Variants in PARP10 observed in about 807,000 individuals in gnomAD.
The protein encoded by PARP10 is protein mono-ADP-ribosyltransferase PARP10.
In PARP10, 56 loss-of-function variants were observed where a neutral mutation model predicts 82.4. The observed-to-expected ratio is 0.68, with a 90% CI of 0.55 to 0.85. The LOEUF (loss-of-function observed/expected upper bound fraction) is 0.85. Among genes scored for constraint, PARP10 ranks in the 40% least tolerant of loss-of-function variants. The pLI, the probability that PARP10 is intolerant of heterozygous loss-of-function variation, is 0.00. For missense variants in PARP10, 1,227 were observed against 1,379.4 expected (o/e 0.89, Z 1.75); for synonymous variants, 576 against 601.1 (o/e 0.96, Z 0.61).
upstream of PARP10, chr8:143,986,605 C>T: frequency 3.2e-6 from 2 of 624,812 alleles, no homozygotes; most frequent in Non-Finnish European, 2.8e-6. Flanking sequence ...CCCTCAGGAC[C>T]CTCCAGCCAA....
At chr8:143,980,319 C>CAA (rs564801582) in intron 9 of PARP10, among the ~76,000 whole-genome samples, 1,153 of 16,050 alleles carry the variant, frequency 0.072, 299 homozygotes, top group Non-Finnish European at 0.15. Flanking sequence ...GATTCCGTCT[C>CAA]AAAAAAAAAA....
In PARP10 at chr8:144,011,812, C is replaced by T. The variant is rs1834286648; in HGVS notation, c.-80+718G>A. 6.6e-6 allele frequency among the ~76,000 whole-genome samples: 1 copy of T among 151,958 alleles called. No homozygotes were observed. Among genetic ancestry groups the T allele is most frequent in the South Asian group, 2.1e-4 (1 of 4,816 alleles). The stretch of plus-strand genomic sequence containing the variant: ...GCTGAGTCACCAGAAATGGAAACTC[C>T]AAGTTATAGAGAGCTCCTGGACCAG... On this transcript the variant is annotated intron_variant, in intron 1 of 3. Transcript: ENST00000530478. The surrounding 1 kb of genome is among the most constrained non-coding windows in gnomAD (Gnocchi z 4.5).
chr8:144,002,754 A>G (rs1254234759), intron 1 of PARP10, among the ~76,000 whole-genome samples: 1 of 151,764 alleles, frequency 6.6e-6, no homozygotes, highest in Non-Finnish European at 1.5e-5. Flanking sequence ...CACTAATTAC[A>G]AAAACATTCA....
intron 1 of PARP10, among the ~76,000 whole-genome samples, chr8:143,997,077 C>G (rs1483573441): frequency 6.6e-6 from 1 of 152,192 alleles, no homozygotes; most frequent in African/African-American, 2.4e-5. Flanking sequence ...GATGCTGCTT[C>G]CCAGGCAGCA....
In PARP10 at chr8:144,011,661, TC is replaced by T. The variant is rs1194400969; in HGVS notation, c.-80+868del. On this transcript the variant is annotated intron_variant, in intron 1 of 3. Transcript: ENST00000530478. This position sits in a 1 kb window ranked among gnomAD's most constrained non-coding sequence, Gnocchi z 4.5. ...GCATCATGAGGACTGAGTCCTGAGT[TC>T]TTAGAACCAGGTGAGGGATGCAGTC... Among the ~76,000 whole-genome samples, 1 of 152,076 alleles carries T rather than the reference TC, an allele frequency of 6.6e-6. No individual in the cohort carries two copies. Among genetic ancestry groups the T allele is most frequent in the African/African-American group, 2.4e-5 (1 of 41,400 alleles).
chr8:143,982,958 C>T lies in PARP10; in HGVS notation c.2530G>A (p.Ala844Thr), dbSNP rs1833896450. The change falls in exon 9 of 11, where the codon GCC (alanine) becomes ACC (threonine). Residue 844 changes from alanine (A) to threonine (T), a missense_variant. Ala to Thr is a moderately conservative substitution (Grantham distance 58, BLOSUM62 0). Transcript: ENST00000313028. ...VRAFYDTLDA[A>T]RSSIRVVRVE... is the part of the protein sequence containing the mutation. ...CGAACGACGCGGATGCTGCTGCGGG[C>T]AGCGTCCAGGGTGTCGTAGAAGGCC... 1.9e-6 allele frequency: 3 copies of T among 1,613,768 alleles called. No homozygotes were observed. The highest frequency in any genetic ancestry group is 2.5e-6 in the Non-Finnish European group (3 of 1,180,018).
At chr8:143,998,068 C>T (rs1554751426) in intron 1 of PARP10, among the ~76,000 whole-genome samples, 1 of 152,114 alleles carries the variant, frequency 6.6e-6, no homozygotes, top group African/African-American at 2.4e-5. Flanking sequence ...GCTGGGATTA[C>T]AGATATGAGC....
At chr8:144,012,571 G>A (rs1031131658) in exon 1 of PARP10, 29 of 1,551,606 alleles carry the variant, frequency 1.9e-5, no homozygotes, top group Admixed American at 5.9e-5. Flanking sequence ...AGGCTGGTGC[G>A]GGAAAATGAG....
intron 1 of PARP10, among the ~76,000 whole-genome samples, chr8:144,000,353 G>A (rs1564260682): frequency 6.6e-6 from 1 of 152,306 alleles, no homozygotes; most frequent in East Asian, 1.9e-4. Context: ...GATTGGAGGT[G>A]TGTTGCCACA....
chr8:144,012,498 T>C (rs1326650662), intron 1 of PARP10: 7 of 1,550,810 alleles, frequency 4.5e-6, no homozygotes, highest in Admixed American at 2.0e-5. Context: ...GGCCGCACCC[T>C]TGCCACTGCC....
chr8:144,001,861 T>A (rs1834205331), intron 1 of PARP10, among the ~76,000 whole-genome samples: 1 of 149,824 alleles, frequency 6.7e-6, no homozygotes, highest in Non-Finnish European at 1.5e-5. Context: ...GATCCATCTT[T>A]AAATATATAT....
At position 144,011,693 on chromosome 8, in the gene PARP10, C is replaced by G. The variant is rs991335000; in HGVS notation, c.-80+837G>C. Among the ~76,000 whole-genome samples the G allele has an allele frequency of 1.3e-5, 2 of 152,080 alleles. No individual in the cohort carries two copies. The highest frequency in any genetic ancestry group is 2.9e-5 in the Non-Finnish European group (2 of 68,024). ...ACCAGGTGAGGGATGCAGTCTTGGG[C>G]TCCTGAAGGACTAAAGTCAGGAAAA... On this transcript the variant is annotated intron_variant, in intron 1 of 3. Coordinates refer to the PARP10 transcript ENST00000530478. This position sits in a 1 kb window ranked among gnomAD's most constrained non-coding sequence, Gnocchi z 4.5.
chr8:143,993,894 A>G (rs7000180), upstream of PARP10, among the ~76,000 whole-genome samples: 40,502 of 152,158 alleles, frequency 0.27, 6,708 homozygotes, highest in Non-Finnish European at 0.36. Context: ...GATCCCGTCC[A>G]AGAGCTGGAC....
chr8:143,991,447 C>T, upstream of PARP10: 1 of 1,476,118 alleles, frequency 6.8e-7, no homozygotes, highest in Non-Finnish European at 9.0e-7. Context: ...GGTCCCTACC[C>T]CCAAGGGGGC....
Position 143,977,488 on chromosome 8 carries a change from G to A in PARP10, c.3074C>T (p.Thr1025Ile), listed in dbSNP as rs1459342576. Residue 1025 changes from threonine to isoleucine, a missense_variant, in exon 11 of 11, where the codon ACT (threonine) becomes ATT (isoleucine). Transcript: ENST00000313028. ...GCCAGAGGGTGGCCCCTTCGGTTAA[G>A]TGTCTGGGGAGCGGCCCGGGAGCCC... ...PSGLPGRSPD[T>I] 3 of 1,546,674 alleles carry A rather than the reference G, an allele frequency of 1.9e-6. No homozygotes were observed. The highest frequency in any genetic ancestry group is 4.9e-5 in the East Asian group (2 of 41,110).
intron 1 of PARP10, among the ~76,000 whole-genome samples, chr8:143,997,542 A>G (rs1427136238): frequency 6.6e-6 from 1 of 151,796 alleles, no homozygotes; most frequent in African/African-American, 2.4e-5. Context: ...CTCTATAGCA[A>G]CCCCTAATCT....
At chr8:143,977,867 G>T in intron 10 of PARP10, 37 bp from the exon 11 acceptor site, 1 of 1,598,316 alleles carries the variant, frequency 6.3e-7, no homozygotes, top group Non-Finnish European at 8.5e-7. Flanking sequence ...GGGTGGTCGG[G>T]GTGCGCAGAG....
At position 143,978,969 on chromosome 8, in the gene PARP10, GTTT is replaced by G. The variant is rs5895791; in HGVS notation, c.2557-891_2557-889del. Reference sequence around the variant, plus strand: ...TTCAGAGTGAAAGAAAACCCTGCAAGTTTTTTTTTTTTTTTTTCTTTGAGAGGG... The same window carrying G: ...TTCAGAGTGAAAGAAAACCCTGCAAGTTTTTTTTTTTTTTCTTTGAGAGGG... On this transcript the variant is annotated intron_variant, in intron 9 of 10. Transcript: ENST00000313028. 3.8e-3 allele frequency among the ~76,000 whole-genome samples: 548 copies of G among 144,822 alleles called. 5 individuals carry two copies. Among genetic ancestry groups the G allele is most frequent in the Non-Finnish European group, 5.2e-3 (341 of 66,156 alleles).
At chr8:143,995,378 A>G (rs1239308900), upstream of PARP10, among the ~76,000 whole-genome samples, 1 of 152,230 alleles carries the variant, frequency 6.6e-6, no homozygotes, top group Admixed American at 6.5e-5. Context: ...GGAGGTGCCA[A>G]TTAAGCCAGG....
Sources: allele counts gnomAD v4.1 joint callset (sites outside exome capture counted in the v4.1 genomes callset), GRCh38; gene constraint gnomAD v4.1.1; non-coding constraint Gnocchi (gnomAD v3.1); transcripts MANE v1.5; gene names NCBI Gene and HGNC (gene_info 2026-07-23, HGNC 2026-07-21).